ARMCX4: variants seen among roughly 807,000 people sequenced by gnomAD.
The protein encoded by ARMCX4 is armadillo repeat containing X-linked 4, also known as armadillo repeat-containing X-linked protein 4.
In ARMCX4, 3 loss-of-function variants were observed where a neutral mutation model predicts 34.7. The observed-to-expected ratio is 0.09, with a 90% CI of 0.04 to 0.22. The LOEUF is 0.22. ARMCX4 is among the 10% of genes least tolerant of loss of function. The pLI, the probability that ARMCX4 is intolerant of heterozygous loss-of-function variation, is 1.00. For missense variants in ARMCX4, 1,448 were observed against 1,720.8 expected, an observed-to-expected ratio of 0.84 and a Z score of 2.81; for synonymous variants, 513 against 632.8, an observed-to-expected ratio of 0.81 and a Z score of 2.84.
Position 101,495,209 on chromosome X carries a change from C to A in ARMCX4, c.6620C>A (p.Thr2207Lys). ...GACTTGCTCATTGCCAATGCACCAACATCACTGATTAACATTTTTAGCAAG... is the reference window on the plus strand; with the variant it reads ...GACTTGCTCATTGCCAATGCACCAAAATCACTGATTAACATTTTTAGCAAG... Reference protein sequence around the residue: ...TKDLLIANAPTSLINIFSKKE... With the variant: ...TKDLLIANAPKSLINIFSKKE... The change falls in exon 6 of 6, where the codon ACA (threonine) becomes AAA (lysine). Residue 2207 changes from threonine to lysine, a missense_variant. This residue lies in a region of ARMCX4 where 105 missense variants were observed against 180.2 expected (regional missense o/e 0.58). Coordinates refer to ENST00000423738, the MANE Select transcript of ARMCX4 (RefSeq NM_001256155.3). 8.7e-7 allele frequency: 1 copy of A among 1,149,313 alleles called. No individual in the cohort carries two copies. The highest frequency in any genetic ancestry group is 1.2e-6 in the Non-Finnish European group (1 of 866,812). The allele number at this position is 1,149,313 out of a possible 1,213,427, so 94.7% of individuals were successfully genotyped here.
intron 11 of ARMCX4, among the ~76,000 whole-genome samples, chrX:101,519,199 C>T (rs1453510471): frequency 9.0e-6 from 1 of 111,470 alleles, no homozygotes; most frequent in Non-Finnish European, 1.9e-5. Flanking sequence ...TAAGCCACAT[C>T]CATGATGTAT....
chrX:101,474,339 TC>T (rs1933068057), intron 4 of ARMCX4, among the ~76,000 whole-genome samples: 1 of 105,582 alleles, frequency 9.5e-6, no homozygotes, highest in South Asian at 4.3e-4. Flanking sequence ...CCAAAAAGAG[TC>T]CAGGACCAGA....
upstream of ARMCX4, chrX:101,485,260 A>G (rs1297682516): frequency 2.1e-4 from 23 of 110,207 alleles, no homozygotes; most frequent in Admixed American, 2.2e-3. Context: ...ACGCGTGCGC[A>G]CTGGGGCACC....
At chrX:101,431,612 C>T (rs188248374) in intron 2 of ARMCX4, among the ~76,000 whole-genome samples, 56 of 111,452 alleles carry the variant, frequency 5.0e-4, no homozygotes, top group African/African-American at 1.7e-3. Flanking sequence ...GGCACAATCT[C>T]GGCTCCCTGC....
Position 101,494,834 on chromosome X carries a change from T to C in ARMCX4, c.6245T>C (p.Val2082Ala). 9 of 1,154,490 alleles carry C rather than the reference T, an allele frequency of 7.8e-6. No individual in the cohort carries two copies. Among genetic ancestry groups the C allele is most frequent in the Non-Finnish European group, 1.0e-5 (9 of 871,428 alleles). Reference sequence around the variant, plus strand: ...TATTCTCATGAAGTTGTTCGTAATGTAGGTGGAATTTCAGTTATTGAAAGC... The same window carrying C: ...TATTCTCATGAAGTTGTTCGTAATGCAGGTGGAATTTCAGTTATTGAAAGC... ...YSYSHEVVRN[V>A]GGISVIESLL... is the part of the protein sequence containing the mutation. The change falls in exon 6 of 6, where the codon GTA becomes GCA. Residue 2082 changes from valine to alanine, a missense_variant. Physicochemically the swap from Val to Ala is moderately conservative, Grantham distance 64. Around this residue, in one of 2 missense-constraint regions of ARMCX4, gnomAD observed 105 missense variants for 180.2 expected, o/e 0.58. Coordinates refer to ENST00000423738, the MANE Select transcript of ARMCX4 (RefSeq NM_001256155.3).
At position 101,526,683 on chromosome X, in the gene ARMCX4, C is replaced by T. The variant is rs190368512; in HGVS notation, c.*1781-4961C>T. Among the ~76,000 whole-genome samples the T allele has an allele frequency of 4.7e-3, 526 of 111,690 alleles. 2 individuals carry two copies. The highest frequency in any genetic ancestry group is 0.016 in the African/African-American group (496 of 30,703). Reference sequence around the variant, plus strand: ...AACAGAAAAAAGCAGGGGTTGCAATCCTAGTCTCTGATAAAACAGACTTTA... The same window carrying T: ...AACAGAAAAAAGCAGGGGTTGCAATTCTAGTCTCTGATAAAACAGACTTTA... On this transcript the variant is annotated intron_variant and NMD_transcript_variant, in intron 11 of 12. Coordinates refer to the ARMCX4 transcript ENST00000354842.
chrX:101,530,282 A>C (rs1403039302), intron 11 of ARMCX4, among the ~76,000 whole-genome samples: 1 of 111,510 alleles, frequency 9.0e-6, no homozygotes, highest in East Asian at 2.8e-4. Context: ...GGAATTGAAC[A>C]ATGAGAACAC....
downstream of ARMCX4, among the ~76,000 whole-genome samples, chrX:101,448,873 C>T (rs1458107945): frequency 4.7e-5 from 5 of 106,934 alleles, no homozygotes; most frequent in Admixed American, 1.0e-4. Flanking sequence ...GGATTACAGG[C>T]GAGAGCCACC....
chrX:101,513,440 C>T (rs150540934), intron 11 of ARMCX4, among the ~76,000 whole-genome samples: 151 of 111,748 alleles, frequency 1.4e-3, no homozygotes, highest in African/African-American at 4.4e-3. Flanking sequence ...CAGAAGAGGA[C>T]GCAAAGTCCT....
In ARMCX4 at chrX:101,489,914, T is replaced by C; in HGVS notation, c.1325T>C (p.Val442Ala). ...AKANLRANSQ[V>A]EALPDARDKS... ...GCAAACTTGAGGGCCAATTCCCAGG[T>C]TGAGGCCTTGCCTGATGCCAGGGAT... Residue 442 changes from valine to alanine, a missense_variant, in exon 6 of 6, where the codon GTT becomes GCT. Val to Ala is a moderately conservative substitution (Grantham distance 64). Coordinates refer to ENST00000423738, the MANE Select transcript of ARMCX4 (RefSeq NM_001256155.3). 5 of 1,154,311 alleles carry C rather than the reference T, an allele frequency of 4.3e-6. No individual in the cohort carries two copies. Among genetic ancestry groups the C allele is most frequent in the Non-Finnish European group, 5.7e-6 (5 of 872,302 alleles).
rs1283830142 is a variant in ARMCX4 at position 101,433,191 on chromosome X, T to C, written n.165-10861T>C. On this transcript the variant is annotated intron_variant and non_coding_transcript_variant, in intron 2 of 3. Coordinates refer to the ARMCX4 transcript ENST00000430461. ...ATACATGTGTATATACACGCACACA[T>C]ACACATATATGTGCATATACGCACA... Among the ~76,000 whole-genome samples, 157 of 75,289 alleles carry C rather than the reference T, an allele frequency of 2.1e-3. No individual in the cohort carries two copies. The Middle Eastern group carries it at 0.022, about 10-fold the overall frequency. The allele number at this position is 75,289 out of a possible 115,157, so 65.4% of individuals were successfully genotyped here. A position where few individuals can be genotyped will look rare whatever the true frequency, so the allele number is the denominator to read the frequency against.
intron 11 of ARMCX4, among the ~76,000 whole-genome samples, chrX:101,521,502 G>A (rs1934853137): frequency 9.1e-6 from 1 of 110,331 alleles, no homozygotes; most frequent in Non-Finnish European, 1.9e-5. Context: ...TTTTTAAAGA[G>A]CCAGACTTTG....
At chrX:101,499,618 T>C (rs781969365), downstream of ARMCX4, among the ~76,000 whole-genome samples, 2 of 111,952 alleles carry the variant, frequency 1.8e-5, no homozygotes, top group Non-Finnish European at 3.8e-5. Flanking sequence ...AGAGGCAAGA[T>C]AGTTGCACTT....
intron 2 of ARMCX4, among the ~76,000 whole-genome samples, chrX:101,426,063 T>A (rs531196287): frequency 9.0e-6 from 1 of 111,016 alleles, no homozygotes; most frequent in South Asian, 3.8e-4. Context: ...GCTCAAGCAA[T>A]CTGCCTGCCT....
Position 101,492,918 on chromosome X carries a change from C to T in ARMCX4, c.4329C>T (p.Asp1443=). 1.7e-6 allele frequency: 2 copies of T among 1,151,694 alleles called. No individual in the cohort carries two copies. The highest frequency in any genetic ancestry group is 5.2e-5 in the Admixed American group (2 of 38,413). The allele number at this position is 1,151,694 out of a possible 1,213,427, so 94.9% of individuals were successfully genotyped here. ...ISGGFLVGIV[D]QANGGSWTGA... Reference sequence around the variant, plus strand: ...GAGGATTCTTAGTTGGGATTGTGGACCAGGCCAATGGAGGGTCCTGGACTG... The same window carrying T: ...GAGGATTCTTAGTTGGGATTGTGGATCAGGCCAATGGAGGGTCCTGGACTG... Residue 1443 remains aspartate (D), a synonymous_variant, in exon 6 of 6, where the codon GAC becomes GAT. Coordinates refer to ENST00000423738, the MANE Select transcript of ARMCX4 (RefSeq NM_001256155.3).
At chrX:101,429,146 C>T (rs921911377) in intron 2 of ARMCX4, among the ~76,000 whole-genome samples, 32 of 110,531 alleles carry the variant, frequency 2.9e-4, no homozygotes, top group African/African-American at 8.9e-4. Flanking sequence ...AGGCATGAGC[C>T]GCTGTGCCCA....
At chrX:101,519,583 T>C (rs2147713289) in intron 11 of ARMCX4, among the ~76,000 whole-genome samples, 1 of 111,732 alleles carries the variant, frequency 8.9e-6, no homozygotes, top group Non-Finnish European at 1.9e-5. Context: ...TGGTGGACAT[T>C]TAGATTGTTT....
chrX:101,475,347 C>G (rs1933136207), intron 4 of ARMCX4, among the ~76,000 whole-genome samples: 1 of 109,427 alleles, frequency 9.1e-6, no homozygotes, highest in Admixed American at 9.9e-5. Context: ...TTGTAGGTAT[C>G]TGCAAAAGAA....
intron 11 of ARMCX4, among the ~76,000 whole-genome samples, chrX:101,514,953 A>G (rs1934675765): frequency 8.9e-6 from 1 of 111,975 alleles, no homozygotes; most frequent in Non-Finnish European, 1.9e-5. Flanking sequence ...TTAAACTTTC[A>G]GAATCCAATT....
Sources: gnomAD v4.1 joint callset for allele counts (sites outside exome capture counted in the v4.1 genomes callset) on GRCh38, gnomAD v4.1.1 for gene constraint, gnomAD v4.1.1 regional missense constraint, MANE v1.5 for transcripts, NCBI Gene and HGNC (gene_info 2026-07-23, HGNC 2026-07-21) for gene names.